The following AOPEP variants were observed in gnomAD, a reference collection of about 807,000 sequenced individuals.
AOPEP encodes aminopeptidase O.
AOPEP carries 77 observed loss-of-function variants against 98.1 expected under a neutral mutation model. That is an observed-to-expected ratio of 0.78 (90% confidence interval 0.65 to 0.95). The LOEUF is 0.95. Among genes scored for constraint, AOPEP ranks in the 40% least tolerant of loss-of-function variants. The pLI is 0.00. For missense variants in AOPEP, 1,024 were observed against 1,024.7 expected, an observed-to-expected ratio of 1.00 and a Z score of 0.01; for synonymous variants, 346 against 365.3, an observed-to-expected ratio of 0.95 and a Z score of 0.60.
intron 1 of AOPEP, among the ~76,000 whole-genome samples, chr9:94,742,749 A>G (rs1270240367): frequency 6.6e-6 from 1 of 152,070 alleles, no homozygotes; most frequent in African/African-American, 2.4e-5. Context: ...CTTTATTTCT[A>G]TGCTATAGTT....
rs78688102 is a variant in AOPEP at position 94,792,662 on chromosome 9, C to T, written c.965-103C>T. 2.5e-3 allele frequency: 2,933 copies of T among 1,158,876 alleles called. 67 individuals are homozygous for T. The African/African-American group carries it at 0.04, about 16-fold the overall frequency. The allele number at this position is 1,158,876 out of a possible 1,614,324, so 71.8% of individuals were successfully genotyped here. Reference sequence around the variant, plus strand: ...CCGACCTCCAAGAGTTGGCTCTTACCAGCTTATCACAAAAGCTCTTCAAGT... The same window carrying T: ...CCGACCTCCAAGAGTTGGCTCTTACTAGCTTATCACAAAAGCTCTTCAAGT... On this transcript the variant is annotated intron_variant, in intron 3 of 16. Coordinates refer to ENST00000375315, the MANE Select transcript of AOPEP (RefSeq NM_001193329.3).
chr9:95,111,216 AG>A, the AOPEP span: 16 of 1,536,450 alleles, frequency 1.0e-5, no homozygotes, highest in Admixed American at 3.1e-4. Flanking sequence ...TTGGGGAAGA[AG>A]GGTCTTCGTT....
chr9:94,918,063 A>G (rs2053088186), intron 5 of AOPEP, among the ~76,000 whole-genome samples: 1 of 151,978 alleles, frequency 6.6e-6, no homozygotes, highest in Non-Finnish European at 1.5e-5. Context: ...AACCATCTCT[A>G]CTTGAAAAGA....
At chr9:95,072,827 T>C (rs544531302) in intron 14 of AOPEP, among the ~76,000 whole-genome samples, 2 of 152,378 alleles carry the variant, frequency 1.3e-5, no homozygotes, top group African/African-American at 4.8e-5. Context: ...ATGTGGTTTC[T>C]AAATGGCCCT....
At chr9:95,091,020 C>T (rs1270232625), downstream of AOPEP, among the ~76,000 whole-genome samples, 2 of 152,198 alleles carry the variant, frequency 1.3e-5, no homozygotes, top group Non-Finnish European at 2.9e-5. Context: ...TCGATTCAGC[C>T]TGCAACAGCC....
At chr9:94,873,311 C>T (rs1481604412) in intron 5 of AOPEP, among the ~76,000 whole-genome samples, 1 of 152,188 alleles carries the variant, frequency 6.6e-6, no homozygotes, top group East Asian at 1.9e-4. Flanking sequence ...TCTATTTTTA[C>T]TTGTCTTACT....
At chr9:95,038,607 G>C (rs2065027125) in intron 13 of AOPEP, among the ~76,000 whole-genome samples, 1 of 152,170 alleles carries the variant, frequency 6.6e-6, no homozygotes, top group African/African-American at 2.4e-5. Context: ...TCTCTACAAC[G>C]CAAGCACATC....
At chr9:94,845,762 A>G (rs1459495987) in intron 5 of AOPEP, among the ~76,000 whole-genome samples, 1 of 152,084 alleles carries the variant, frequency 6.6e-6, no homozygotes, top group Non-Finnish European at 1.5e-5. Context: ...CAGGGGAAGA[A>G]TAAGGTTGTA....
the AOPEP span, among the ~76,000 whole-genome samples, chr9:95,131,827 G>A: frequency 6.6e-6 from 1 of 152,166 alleles, no homozygotes; most frequent in East Asian, 1.9e-4. Flanking sequence ...AGGAGGAGCT[G>A]CATACTGGGA....
At chr9:94,872,183 C>A (rs1283294974) in intron 5 of AOPEP, among the ~76,000 whole-genome samples, 1 of 152,130 alleles carries the variant, frequency 6.6e-6, no homozygotes, top group Non-Finnish European at 1.5e-5. Context: ...AGTGATCCTA[C>A]AAGTGAGGCG....
At chr9:95,091,941 G>A (rs975612774), downstream of AOPEP, among the ~76,000 whole-genome samples, 1 of 152,156 alleles carries the variant, frequency 6.6e-6, no homozygotes, top group Non-Finnish European at 1.5e-5. Flanking sequence ...GTGGGAAAAG[G>A]GGGTTGATGC....
chr9:94,862,547 GCGA>G lies in AOPEP; in HGVS notation c.1365-61437_1365-61435del, dbSNP rs138975535. ...TCATTACTGAAACAGCGGTTTGCCT[GCGA>G]CTGGTCCCCACCCTTGAGGATGCTC... On this transcript the variant is annotated intron_variant, in intron 5 of 16. Transcript: ENST00000375315. Among the ~76,000 whole-genome samples the G allele has an allele frequency of 7.3e-3, 1,110 of 152,316 alleles. 15 individuals carry two copies. The highest frequency in any genetic ancestry group is 0.026 in the African/African-American group (1,071 of 41,570).
intron 16 of AOPEP, chr9:95,086,461 C>G: frequency 1.0e-6 from 1 of 985,376 alleles, no homozygotes; most frequent in Non-Finnish European, 1.2e-6. Context: ...GTACGCAAAG[C>G]CTGAGTACAG....
Position 94,879,326 on chromosome 9 carries a change from G to T in AOPEP, c.1365-44660G>T, listed in dbSNP as rs549097737. 2.2e-4 allele frequency among the ~76,000 whole-genome samples: 33 copies of T among 152,326 alleles called. No individual in the cohort carries two copies. The South Asian group carries it at 6.8e-3, about 32-fold the overall frequency. ...TTCCCAAAGTTAGTTCAGCATATGTGCAGGAATGAACAAGGACAGCTTGGA... is the reference window on the plus strand; with the variant it reads ...TTCCCAAAGTTAGTTCAGCATATGTTCAGGAATGAACAAGGACAGCTTGGA... On this transcript the variant is annotated intron_variant, in intron 5 of 16. Transcript: ENST00000375315.
chr9:94,861,247 C>T (rs2044941093), intron 5 of AOPEP, among the ~76,000 whole-genome samples: 2 of 152,188 alleles, frequency 1.3e-5, no homozygotes, highest in African/African-American at 2.4e-5. Flanking sequence ...GCAGCAGCAG[C>T]TGCTGTCACC....
the AOPEP span, chr9:95,114,555 C>T: frequency 7.5e-7 from 1 of 1,325,580 alleles, no homozygotes; most frequent in Non-Finnish European, 1.1e-6. Context: ...TCTGTCAGCC[C>T]TGCTCAAAGG....
At chr9:94,858,250 G>A (rs758867562) in intron 5 of AOPEP, among the ~76,000 whole-genome samples, 45 of 152,304 alleles carry the variant, frequency 3.0e-4, no homozygotes, top group Non-Finnish European at 5.0e-4. Flanking sequence ...AATATCTGGC[G>A]CTGTACAGAT....
downstream of AOPEP, among the ~76,000 whole-genome samples, chr9:95,090,057 A>G (rs536521580): frequency 3.4e-4 from 51 of 152,226 alleles, no homozygotes; most frequent in African/African-American, 1.2e-3. Context: ...GGGGAGCCCC[A>G]TGGCTATGCC....
Position 94,988,769 on chromosome 9 carries a change from G to A in AOPEP, c.1977+9342G>A, listed in dbSNP as rs375554136. Among the ~76,000 whole-genome samples the A allele has an allele frequency of 5.0e-4, 76 of 152,166 alleles. No homozygotes were observed. In the South Asian group the frequency reaches 0.015, roughly 29 times the overall value. On this transcript the variant is annotated intron_variant, in intron 11 of 16. Coordinates refer to ENST00000375315, the MANE Select transcript of AOPEP (RefSeq NM_001193329.3). Reference sequence around the variant, plus strand: ...TGGTCATCAGAATCATGTAGGAGGCGGATTAAAACTGCAGATCCCGGAGCC... The same window carrying A: ...TGGTCATCAGAATCATGTAGGAGGCAGATTAAAACTGCAGATCCCGGAGCC...
Sources: gnomAD v4.1 joint callset for allele counts (sites outside exome capture counted in the v4.1 genomes callset) on GRCh38, gnomAD v4.1.1 for gene constraint, MANE v1.5 for transcripts, NCBI Gene and HGNC (gene_info 2026-07-23, HGNC 2026-07-21) for gene names.